The following PCDH9 variants were observed in gnomAD, a reference collection of about 807,000 sequenced individuals.
PCDH9 encodes protocadherin 9, also known as protocadherin-9.
Under a neutral mutation model 70.6 loss-of-function variants are expected in PCDH9, and 24 were observed. The ratio of observed to expected loss-of-function variants is 0.34; its 90% CI spans 0.25 to 0.48. The LOEUF is 0.48. Ranked by LOEUF, PCDH9 falls within the 20% of genes least tolerant of loss-of-function variation. The pLI, the probability that PCDH9 is intolerant of heterozygous loss-of-function variation, is 0.99. For missense variants in PCDH9, 1,281 were observed against 1,503.6 expected, an observed-to-expected ratio of 0.85 and a Z score of 2.45; for synonymous variants, 562 against 558.5, an observed-to-expected ratio of 1.01 and a Z score of -0.09.
At position 67,228,380 on chromosome 13, in the gene PCDH9, C is replaced by T. The variant is rs868294906; in HGVS notation, c.61G>A (p.Ala21Thr). Residue 21 changes from alanine (A) to threonine (T), a missense_variant, in exon 2 of 5, where the codon GCA (alanine) becomes ACA (threonine). Transcript: ENST00000377865. ...GTGTAAATAAGTTCTTGAGCTATTG[C>T]GGAATCCAGCCTTAAACAGGCAATC... ...ALIACLRLDS[A>T]IAQELIYTIR... The T allele has an allele frequency of 3.7e-6, 6 of 1,611,764 alleles. No homozygotes were observed. In the African/African-American group the frequency reaches 4.0e-5, roughly 11 times the overall value.
chr13:66,682,356 CTATCTAT>C (rs1250794371), intron 3 of PCDH9, among the ~76,000 whole-genome samples: 120 of 652 alleles, frequency 0.18, no homozygotes, highest in Non-Finnish European at 0.21. Context: ...TATTTATTAT[CTATCTAT>C]CTATCTATCT....
At chr13:67,101,767 C>A (rs372467307) in intron 2 of PCDH9, among the ~76,000 whole-genome samples, 1 of 151,586 alleles carries the variant, frequency 6.6e-6, no homozygotes, top group African/African-American at 2.4e-5. Flanking sequence ...TAAACCAATT[C>A]TCTTCAGTAA....
chr13:66,664,344 A>G (rs1448597673), intron 3 of PCDH9, among the ~76,000 whole-genome samples: 7 of 152,196 alleles, frequency 4.6e-5, no homozygotes, highest in African/African-American at 1.4e-4. Context: ...GAGGATTAAT[A>G]GTAGTTTGTT....
intron 2 of PCDH9, among the ~76,000 whole-genome samples, chr13:66,981,193 C>G (rs926187177): frequency 6.6e-6 from 1 of 152,156 alleles, no homozygotes; most frequent in Non-Finnish European, 1.5e-5. Context: ...AATCCCAGCA[C>G]TTCGGGAGGC....
At chr13:66,323,736 A>G (rs1034942476) in intron 4 of PCDH9, among the ~76,000 whole-genome samples, 1 of 151,680 alleles carries the variant, frequency 6.6e-6, no homozygotes, top group African/African-American at 2.4e-5. Flanking sequence ...TAGGTTTTAA[A>G]GTGAGTAATG....
chr13:67,064,279 C>T (rs2085597511), intron 2 of PCDH9, among the ~76,000 whole-genome samples: 2 of 151,502 alleles, frequency 1.3e-5, no homozygotes, highest in South Asian at 4.3e-4. Context: ...TCAGAAAATT[C>T]TCTAGATCAG....
chr13:67,000,694 G>T (rs1456449979), intron 2 of PCDH9, among the ~76,000 whole-genome samples: 8 of 152,060 alleles, frequency 5.3e-5, no homozygotes, highest in African/African-American at 1.9e-4. Flanking sequence ...GGAAAATAAA[G>T]TTCACAAATA....
At chr13:67,173,042 A>G (rs2088340409) in intron 2 of PCDH9, among the ~76,000 whole-genome samples, 1 of 152,100 alleles carries the variant, frequency 6.6e-6, no homozygotes, top group Admixed American at 6.6e-5. Context: ...GAGTCACTCA[A>G]CTCTCTGGAA....
intron 4 of PCDH9, among the ~76,000 whole-genome samples, chr13:66,497,686 G>A (rs1055773608): frequency 2.0e-5 from 3 of 152,106 alleles, no homozygotes; most frequent in Non-Finnish European, 4.4e-5. Context: ...TGGTAGTTAA[G>A]AGGGTTTGAT....
chr13:66,570,945 G>A (rs368686671), intron 4 of PCDH9, among the ~76,000 whole-genome samples: 3 of 152,058 alleles, frequency 2.0e-5, no homozygotes, highest in African/African-American at 7.2e-5. Context: ...ATAAAAGGGA[G>A]GAGGGAGGTG....
chr13:66,426,337 A>G (rs1188349246), intron 4 of PCDH9, among the ~76,000 whole-genome samples: 1 of 151,650 alleles, frequency 6.6e-6, no homozygotes, highest in East Asian at 1.9e-4. Flanking sequence ...AAGAATATGT[A>G]AAGTATATTT....
chr13:67,104,082 T>C (rs555516212), intron 2 of PCDH9, among the ~76,000 whole-genome samples: 1 of 152,232 alleles, frequency 6.6e-6, no homozygotes, highest in East Asian at 1.9e-4. Context: ...CTCTCAGTGA[T>C]CTCCTGAAAA....
chr13:66,449,668 G>A lies in PCDH9; in HGVS notation c.3341-144640C>T, dbSNP rs566104916. Among the ~76,000 whole-genome samples, 36 of 152,138 alleles carry A rather than the reference G, an allele frequency of 2.4e-4. No individual in the cohort carries two copies. The East Asian group carries it at 3.1e-3, about 13-fold the overall frequency. ...AATGCATACATAAGATCAAGACCCC[G>A]TTGGCAGAATTTTTCAAATAACTGA... On this transcript the variant is annotated intron_variant, in intron 4 of 4. Coordinates refer to ENST00000377865, the MANE Select transcript of PCDH9 (RefSeq NM_203487.3).
chr13:66,369,342 A>G (rs940377049), intron 4 of PCDH9, among the ~76,000 whole-genome samples: 1 of 152,182 alleles, frequency 6.6e-6, no homozygotes, highest in Non-Finnish European at 1.5e-5. Flanking sequence ...TACCACTTAT[A>G]CTAACACAAT....
At chr13:67,099,081 A>G (rs993229008) in intron 2 of PCDH9, among the ~76,000 whole-genome samples, 14 of 152,314 alleles carry the variant, frequency 9.2e-5, no homozygotes, top group Admixed American at 2.0e-4. Flanking sequence ...CACTGCAATC[A>G]TTCTAGTCAA....
chr13:66,330,398 C>T (rs768643187), intron 4 of PCDH9, among the ~76,000 whole-genome samples: 9 of 152,206 alleles, frequency 5.9e-5, no homozygotes, highest in African/African-American at 7.2e-5. Context: ...GCATGTCCTG[C>T]GGCCAAATTC....
chr13:66,590,349 T>G (rs2138813521), intron 4 of PCDH9, among the ~76,000 whole-genome samples: 1 of 152,072 alleles, frequency 6.6e-6, no homozygotes, highest in Non-Finnish European at 1.5e-5. Flanking sequence ...TAAAAAGCTC[T>G]TAACATGATT....
chr13:66,793,976 T>C (rs1257653744), intron 3 of PCDH9, among the ~76,000 whole-genome samples: 1 of 151,832 alleles, frequency 6.6e-6, no homozygotes, highest in Non-Finnish European at 1.5e-5. Flanking sequence ...AAACCCGACA[T>C]TGCTAATTAC....
chr13:66,928,418 C>A (rs749526121), intron 2 of PCDH9, among the ~76,000 whole-genome samples: 2 of 152,008 alleles, frequency 1.3e-5, no homozygotes, highest in Non-Finnish European at 2.9e-5. Context: ...TAGTATTATT[C>A]CCATTTTTCT....
Sources: allele counts gnomAD v4.1 joint callset (sites outside exome capture counted in the v4.1 genomes callset), GRCh38; gene constraint gnomAD v4.1.1; transcripts MANE v1.5; gene names NCBI Gene and HGNC (gene_info 2026-07-23, HGNC 2026-07-21).